Variants in FNDC1 observed in about 807,000 individuals in gnomAD.
FNDC1 encodes the protein fibronectin type III domain-containing protein 1.
In FNDC1, 96 loss-of-function variants were observed where a neutral mutation model predicts 168.0. The observed-to-expected ratio is 0.57, with a 90% CI of 0.48 to 0.68. FNDC1 has a LOEUF of 0.68. FNDC1 is among the 30% of genes least tolerant of loss of function. The probability of loss-of-function intolerance (pLI) is 0.00; values close to 1 mark genes in which losing one functional copy is unlikely to be tolerated. For missense variants in FNDC1, 2,587 were observed against 2,482.1 expected (o/e 1.04, Z -0.90); for synonymous variants, 1,099 against 1,025.9 (o/e 1.07, Z -1.36).
chr6:159,179,029 C>T (rs1781827456), intron 1 of FNDC1, among the ~76,000 whole-genome samples: 1 of 152,234 alleles, frequency 6.6e-6, no homozygotes, highest in Non-Finnish European at 1.5e-5. Context: ...CCTTTCCACA[C>T]CACGCCCTCC....
At chr6:159,187,767 G>T (rs556071664) in intron 1 of FNDC1, among the ~76,000 whole-genome samples, 27 of 152,042 alleles carry the variant, frequency 1.8e-4, no homozygotes, top group Non-Finnish European at 3.5e-4. Flanking sequence ...TTTAAAATTT[G>T]GTCAGTCATT....
At chr6:159,173,876 G>T (rs1314346476) in intron 1 of FNDC1, among the ~76,000 whole-genome samples, 3 of 152,144 alleles carry the variant, frequency 2.0e-5, no homozygotes, top group Non-Finnish European at 4.4e-5. Flanking sequence ...TGGTTCTCGG[G>T]ATTAGGACAA....
rs368778102 is a variant in FNDC1 at position 159,232,473 on chromosome 6, T to G, written c.1961T>G (p.Val654Gly). 9.2e-5 allele frequency: 149 copies of G among 1,612,188 alleles called. 1 individual carries two copies. The highest frequency in any genetic ancestry group is 1.3e-4 in the Non-Finnish European group (148 of 1,179,114). ...GACTCAGACGAAGATGAGCGCGCTG[T>G]GGGCTCCCTCCACCCCAAGGGCGCC... is the stretch of plus-strand genomic sequence containing the variant. Reference protein sequence around the residue: ...LVDSDEDERAVGSLHPKGAFA... With the variant: ...LVDSDEDERAGGSLHPKGAFA... The change falls in exon 11 of 23, where the codon GTG (valine) becomes GGG (glycine). Residue 654 changes from valine to glycine, a missense_variant. Transcript: ENST00000297267. The surrounding 1 kb of genome is among the most constrained non-coding windows in gnomAD (Gnocchi z 4.9).
At chr6:159,263,695 G>A (rs1300270769) in intron 19 of FNDC1, among the ~76,000 whole-genome samples, 1 of 152,196 alleles carries the variant, frequency 6.6e-6, no homozygotes, top group Non-Finnish European at 1.5e-5. Flanking sequence ...CTGGGAGACG[G>A]AGCTTGCAGT....
At chr6:159,208,211 C>T (rs904293365) in intron 4 of FNDC1, among the ~76,000 whole-genome samples, 3 of 152,148 alleles carry the variant, frequency 2.0e-5, no homozygotes, top group African/African-American at 4.8e-5. Context: ...GAGCTGGGCT[C>T]AGGGTAGGAC....
chr6:159,217,243 G>A (rs866929129), intron 5 of FNDC1, among the ~76,000 whole-genome samples: 1 of 152,226 alleles, frequency 6.6e-6, no homozygotes, highest in African/African-American at 2.4e-5. Context: ...GGCCTGCACA[G>A]AGAGAAACAG....
Position 159,236,215 on chromosome 6 carries a change from G to T in FNDC1, c.3968G>T (p.Gly1323Val). Reference sequence around the variant, plus strand: ...TATTTTTATTTTTGGTACTGTGTAGGTTATAATGGCAGACCAAATGTAGAA... The same window carrying T: ...TATTTTTATTTTTGGTACTGTGTAGTTTATAATGGCAGACCAAATGTAGAA... ...RQPARPSYRQ[G>V]YNGRPNVEGK... Residue 1323 changes from glycine (G) to valine (V), a missense_variant and splice_region_variant, in exon 12 of 23, where the codon GGT becomes GTT. Coordinates refer to ENST00000297267, the MANE Select transcript of FNDC1 (RefSeq NM_032532.3). 6.2e-7 allele frequency: 1 copy of T among 1,610,888 alleles called. No homozygotes were observed. Among genetic ancestry groups the T allele is most frequent in the Middle Eastern group, 1.7e-4 (1 of 6,054 alleles).
At chr6:159,189,478 C>T (rs1163319368) in intron 1 of FNDC1, among the ~76,000 whole-genome samples, 1 of 152,180 alleles carries the variant, frequency 6.6e-6, no homozygotes, top group African/African-American at 2.4e-5. Flanking sequence ...ATTCTTTCCA[C>T]AATACAGTGT....
intron 1 of FNDC1, among the ~76,000 whole-genome samples, chr6:159,192,985 C>G (rs924222332): frequency 5.3e-5 from 8 of 152,136 alleles, no homozygotes; most frequent in Admixed American, 4.6e-4. Context: ...CCTCACGGAC[C>G]CAGATTCACA....
At chr6:159,259,761 A>G (rs879554342) in intron 18 of FNDC1, among the ~76,000 whole-genome samples, 3 of 152,244 alleles carry the variant, frequency 2.0e-5, no homozygotes, top group African/African-American at 7.2e-5. Flanking sequence ...TTGGAAACTC[A>G]TATGTTCTTA....
Position 159,233,078 on chromosome 6 carries a change from C to T in FNDC1, c.2566C>T (p.Arg856Ter). The change falls in exon 11 of 23, where the codon CGA becomes TGA. Residue 856 changes from arginine (R) to a stop codon, truncating the protein, a stop_gained. Coordinates refer to ENST00000297267, the MANE Select transcript of FNDC1 (RefSeq NM_032532.3). LOFTEE classifies it high-confidence loss of function. This position sits in a 1 kb window ranked among gnomAD's most constrained non-coding sequence, Gnocchi z 4.6. ...SSSPQSTVPSRAHPRVPSHSD... is the reference protein window; with the variant it reads ...SSSPQSTVPS Reference sequence around the variant, plus strand: ...CTCCCCACAGTCGACTGTGCCCTCCCGAGCCCACCCCAGGGTTCCCTCTCA... The same window carrying T: ...CTCCCCACAGTCGACTGTGCCCTCCTGAGCCCACCCCAGGGTTCCCTCTCA... 6.2e-7 allele frequency: 1 copy of T among 1,604,812 alleles called. No individual in the cohort carries two copies. The highest frequency in any genetic ancestry group is 8.5e-7 in the Non-Finnish European group (1 of 1,175,926).
chr6:159,227,170 G>A (rs1295720203), intron 9 of FNDC1, among the ~76,000 whole-genome samples: 1 of 152,192 alleles, frequency 6.6e-6, no homozygotes, highest in African/African-American at 2.4e-5. Flanking sequence ...ATAGTCTGTT[G>A]AGAATACTAA....
intron 14 of FNDC1, among the ~76,000 whole-genome samples, chr6:159,246,612 G>A (rs1777137241): frequency 6.6e-6 from 1 of 152,210 alleles, no homozygotes; most frequent in Non-Finnish European, 1.5e-5. Context: ...AGGGAGGTGA[G>A]AGAGAGCTTG....
At chr6:159,237,622 T>C (rs1783292007) in intron 12 of FNDC1, among the ~76,000 whole-genome samples, 3 of 152,216 alleles carry the variant, frequency 2.0e-5, no homozygotes, top group Admixed American at 2.0e-4. Flanking sequence ...AATGGAAAGA[T>C]TTTATGTCTT....
At chr6:159,218,810 G>A (rs957181455) in intron 5 of FNDC1, among the ~76,000 whole-genome samples, 24 of 152,250 alleles carry the variant, frequency 1.6e-4, no homozygotes, top group African/African-American at 3.9e-4. Flanking sequence ...ACTTGCAGCC[G>A]GAGGGGCTGT....
In FNDC1 at chr6:159,174,647, G is replaced by T. The variant is rs543015489; in HGVS notation, c.109+4942G>T. On this transcript the variant is annotated intron_variant, in intron 1 of 22. Coordinates refer to ENST00000297267, the MANE Select transcript of FNDC1 (RefSeq NM_032532.3). ...GGCGCTTTCTTCATATATTAAATGG[G>T]AAAGGACAGATCACTAATTAAGAGT... Among the ~76,000 whole-genome samples, 18 of 152,366 alleles carry T rather than the reference G, an allele frequency of 1.2e-4. No individual in the cohort carries two copies. In the South Asian group the frequency reaches 1.7e-3, roughly 14 times the overall value.
chr6:159,249,706 T>C (rs1445503036), intron 16 of FNDC1, among the ~76,000 whole-genome samples: 1 of 152,232 alleles, frequency 6.6e-6, no homozygotes, highest in Non-Finnish European at 1.5e-5. Context: ...TCTCAGTAAT[T>C]AAAACAGTTT....
chr6:159,232,407 G>A lies in FNDC1; in HGVS notation c.1895G>A (p.Arg632His), dbSNP rs771786483. ...GCGTCCACCCAGGGCACCTCTCATC[G>A]TCCTTCCCTGCCTGCCAGCTTGAAT... ...HHASTQGTSH[R>H]PSLPASLNDN... Residue 632 changes from arginine (R) to histidine (H), a missense_variant, in exon 11 of 23, where the codon CGT becomes CAT. Arg to His is a conservative substitution (Grantham distance 29). Transcript: ENST00000297267. This position sits in a 1 kb window ranked among gnomAD's most constrained non-coding sequence, Gnocchi z 4.9. 6 of 1,612,156 alleles carry A rather than the reference G, an allele frequency of 3.7e-6. No homozygotes were observed. Among genetic ancestry groups the A allele is most frequent in the Admixed American group, 3.3e-5 (2 of 59,926 alleles).
intron 17 of FNDC1, among the ~76,000 whole-genome samples, chr6:159,252,934 A>G (rs1777299540): frequency 6.6e-6 from 1 of 152,220 alleles, no homozygotes; most frequent in African/African-American, 2.4e-5. Flanking sequence ...ACACGCCTCA[A>G]GGGTTCTTGC....
Sources: allele counts gnomAD v4.1 joint callset (sites outside exome capture counted in the v4.1 genomes callset), GRCh38; gene constraint gnomAD v4.1.1; non-coding constraint Gnocchi (gnomAD v3.1); transcripts MANE v1.5; gene names NCBI Gene and HGNC (gene_info 2026-07-23, HGNC 2026-07-21).